The following NUP62 variants were observed in gnomAD, a reference collection of about 807,000 sequenced individuals.
The protein encoded by NUP62 is nucleoporin 62.
For synonymous variants in NUP62, 305 were observed against 303.4 expected (o/e 1.01, Z -0.05); for missense variants, 647 against 689.4 (o/e 0.94, Z 0.69).
At position 49,907,815 on chromosome 19, in the gene NUP62, G is replaced by A. The variant is rs145149204; in HGVS notation, c.*424C>T. Reference sequence around the variant, plus strand: ...CCACCCAAAGTGCTGAGATTACAGGGGTGAGCCACTGCGCCCTGACTTGGA... The same window carrying A: ...CCACCCAAAGTGCTGAGATTACAGGAGTGAGCCACTGCGCCCTGACTTGGA... On this transcript the variant is annotated 3_prime_UTR_variant, in exon 3 of 3. Transcript: ENST00000352066. 3 of 333,292 alleles carry A rather than the reference G, an allele frequency of 9.0e-6. No homozygotes were observed. The highest frequency in any genetic ancestry group is 9.3e-5 in the Admixed American group (2 of 21,512). The allele number at this position is 333,292 out of a possible 1,614,324, so 20.6% of individuals were successfully genotyped here. A position where few individuals can be genotyped will look rare whatever the true frequency, so the allele number is the denominator to read the frequency against.
At chr19:49,920,382 A>G (rs1049098023) in intron 2 of NUP62, among the ~76,000 whole-genome samples, 5 of 152,208 alleles carry the variant, frequency 3.3e-5, no homozygotes, top group African/African-American at 4.8e-5. Context: ...TGCCCGGCCT[A>G]GGAGTTTCTT....
chr19:49,919,128 G>A (rs999805026), intron 2 of NUP62, among the ~76,000 whole-genome samples: 4 of 152,182 alleles, frequency 2.6e-5, no homozygotes, highest in Non-Finnish European at 5.9e-5. Flanking sequence ...ACTCCAGCCT[G>A]GGCAACAAGA....
At chr19:49,920,828 G>A (rs991700209) in intron 2 of NUP62, among the ~76,000 whole-genome samples, 2 of 152,224 alleles carry the variant, frequency 1.3e-5, no homozygotes, top group Admixed American at 6.5e-5. Flanking sequence ...GCGGACAGGC[G>A]TGTGTGGCGG....
intron 2 of NUP62, among the ~76,000 whole-genome samples, chr19:49,913,364 C>T (rs914045597): frequency 3.9e-5 from 6 of 152,260 alleles, no homozygotes; most frequent in Admixed American, 2.6e-4. Flanking sequence ...CAGATAAGAG[C>T]GCCTTTGTTT....
chr19:49,922,505 C>G (rs1453433849), intron 2 of NUP62, among the ~76,000 whole-genome samples: 1 of 151,914 alleles, frequency 6.6e-6, no homozygotes, highest in African/African-American at 2.4e-5. Flanking sequence ...AAGTCCAGCA[C>G]AGAGGGGACC....
chr19:49,909,545 A>G lies in NUP62; in HGVS notation c.263T>C (p.Phe88Ser), dbSNP rs2075408245. Residue 88 changes from phenylalanine to serine, a missense_variant, in exon 3 of 3, where the codon TTT becomes TCT. Transcript: ENST00000352066. Reference sequence around the variant, plus strand: ...CTTTGAAGCACCGATCCCCAAAGAAAATCCAGTTCCCCCCGAAGCAAGAGT... The same window carrying G: ...CTTTGAAGCACCGATCCCCAAAGAAGATCCAGTTCCCCCCGAAGCAAGAGT... Reference protein sequence around the residue: ...TATLASGGTGFSLGIGASKLN... With the variant: ...TATLASGGTGSSLGIGASKLN... 1 of 1,614,080 alleles carries G rather than the reference A, an allele frequency of 6.2e-7. No individual in the cohort carries two copies. The highest frequency in any genetic ancestry group is 8.5e-7 in the Non-Finnish European group (1 of 1,180,028).
At chr19:49,916,700 C>G (rs956211662) in intron 2 of NUP62, among the ~76,000 whole-genome samples, 1 of 150,898 alleles carries the variant, frequency 6.6e-6, no homozygotes, top group Admixed American at 6.6e-5. Flanking sequence ...GGAGGCGGAG[C>G]TTGCAGTAAG....
At position 49,907,590 on chromosome 19, in the gene NUP62, G is replaced by A. The variant is rs1156241753; in HGVS notation, c.*649C>T. 3 of 410,612 alleles carry A rather than the reference G, an allele frequency of 7.3e-6. No individual in the cohort carries two copies. The highest frequency in any genetic ancestry group is 1.4e-5 in the Non-Finnish European group (3 of 214,930). The allele number at this position is 410,612 out of a possible 1,614,324, so 25.4% of individuals were successfully genotyped here. A position where few individuals can be genotyped will look rare whatever the true frequency, so the allele number is the denominator to read the frequency against. On this transcript the variant is annotated 3_prime_UTR_variant, in exon 3 of 3. Coordinates refer to ENST00000352066, the MANE Select transcript of NUP62 (RefSeq NM_016553.5). Reference sequence around the variant, plus strand: ...GAGTCTCTGTTGCCTAGGCTGGAGTGCAGTGGTGTGATCTTGGTTCACTGC... The same window carrying A: ...GAGTCTCTGTTGCCTAGGCTGGAGTACAGTGGTGTGATCTTGGTTCACTGC...
At chr19:49,918,818 A>T (rs1427637745) in intron 2 of NUP62, among the ~76,000 whole-genome samples, 1 of 144,576 alleles carries the variant, frequency 6.9e-6, no homozygotes, top group Non-Finnish European at 1.5e-5. Flanking sequence ...ACCCAGTGAC[A>T]TTGGTGGGCA....
rs1159722278 is a variant in NUP62, at chr19:49,907,968, A to G, written c.*271T>C. On this transcript the variant is annotated 3_prime_UTR_variant, in exon 3 of 3. Transcript: ENST00000352066. ...TCCATCACCAGGCTGAGCCAGGATGAGGTGGGTGGTCGCAGTAGGTGAAAA... is the reference window on the plus strand; with the variant it reads ...TCCATCACCAGGCTGAGCCAGGATGGGGTGGGTGGTCGCAGTAGGTGAAAA... The G allele has an allele frequency of 1.5e-5, 9 of 591,334 alleles. No homozygotes were observed. In the East Asian group the frequency reaches 2.9e-4, roughly 19 times the overall value. 36.6% of individuals were successfully genotyped at this position (591,334 alleles called of 1,614,324 possible). A position where few individuals can be genotyped will look rare whatever the true frequency, so the allele number is the denominator to read the frequency against.
At chr19:49,925,221 A>C (rs1419035639) in intron 2 of NUP62, among the ~76,000 whole-genome samples, 1 of 152,092 alleles carries the variant, frequency 6.6e-6, no homozygotes, top group African/African-American at 2.4e-5. Flanking sequence ...AGATGGCACC[A>C]TTGCACTCCA....
intron 2 of NUP62, among the ~76,000 whole-genome samples, chr19:49,920,617 A>G (rs1186090133): frequency 1.3e-5 from 2 of 152,218 alleles, no homozygotes; most frequent in Non-Finnish European, 2.9e-5. Context: ...TCAGGCTCAG[A>G]GCTGACTTTA....
intron 2 of NUP62, among the ~76,000 whole-genome samples, chr19:49,915,067 A>G (rs1421050474): frequency 6.6e-6 from 1 of 151,820 alleles, no homozygotes; most frequent in Non-Finnish European, 1.5e-5. Flanking sequence ...GATGCCTGGG[A>G]CAGGAGTCTG....
chr19:49,915,062 C>T (rs1363235392), intron 2 of NUP62, among the ~76,000 whole-genome samples: 1 of 151,848 alleles, frequency 6.6e-6, no homozygotes, highest in Non-Finnish European at 1.5e-5. Context: ...CCTTAGATGC[C>T]TGGGACAGGA....
At chr19:49,910,564 C>T (rs1306237156) in intron 2 of NUP62, among the ~76,000 whole-genome samples, 1 of 152,106 alleles carries the variant, frequency 6.6e-6, no homozygotes, top group African/African-American at 2.4e-5. Context: ...TCGGAGCCTC[C>T]CCTGGGGTTT....
chr19:49,910,233 G>A (rs1012873402), intron 2 of NUP62, among the ~76,000 whole-genome samples: 3 of 152,104 alleles, frequency 2.0e-5, no homozygotes, highest in Non-Finnish European at 4.4e-5. Flanking sequence ...CACAAGAACA[G>A]CTGTAGGACC....
chr19:49,922,480 G>A (rs1600552036), intron 2 of NUP62, among the ~76,000 whole-genome samples: 2 of 151,936 alleles, frequency 1.3e-5, no homozygotes, highest in East Asian at 3.9e-4. Context: ...GCCCTACTCC[G>A]TCTCACTGCT....
intron 2 of NUP62, among the ~76,000 whole-genome samples, chr19:49,915,932 G>A (rs934624585): frequency 2.0e-5 from 3 of 152,210 alleles, no homozygotes; most frequent in Non-Finnish European, 2.9e-5. Flanking sequence ...GGATGGTGTC[G>A]GCTCCACTGG....
chr19:49,921,338 C>CT lies in NUP62; in HGVS notation c.-78+6355dup, dbSNP rs1419491080. Among the ~76,000 whole-genome samples the CT allele has an allele frequency of 6.6e-6, 1 of 152,054 alleles. No homozygotes were observed. Among genetic ancestry groups the CT allele is most frequent in the African/African-American group, 2.4e-5 (1 of 41,380 alleles). On this transcript the variant is annotated intron_variant, in intron 2 of 2. Transcript: ENST00000352066. This position sits in a 1 kb window ranked among gnomAD's most constrained non-coding sequence, Gnocchi z 5.4. The stretch of plus-strand genomic sequence containing the variant: ...GCACCGAGCCTCTCCAAAACATGGT[C>CT]TTTTTTTGCTCCCCACTGCCACCAC...
Sources: allele counts gnomAD v4.1 joint callset (sites outside exome capture counted in the v4.1 genomes callset), GRCh38; gene constraint gnomAD v4.1.1; non-coding constraint Gnocchi (gnomAD v3.1); transcripts MANE v1.5; gene names NCBI Gene and HGNC (gene_info 2026-07-23, HGNC 2026-07-21).